Variants in GALNT13 observed in about 807,000 individuals in gnomAD.
GALNT13 encodes the protein polypeptide N-acetylgalactosaminyltransferase 13.
In GALNT13, 28 loss-of-function variants were observed where a neutral mutation model predicts 64.2. That is an observed-to-expected ratio of 0.44 (90% CI 0.32 to 0.60). The LOEUF (loss-of-function observed/expected upper bound fraction) is 0.60. GALNT13 is among the 20% of genes least tolerant of loss of function. The pLI, the probability that GALNT13 is intolerant of heterozygous loss-of-function variation, is 0.05. For synonymous variants in GALNT13, 214 were observed against 224.6 expected, an observed-to-expected ratio of 0.95 and a Z score of 0.42; for missense variants, 577 against 669.8, an observed-to-expected ratio of 0.86 and a Z score of 1.53.
chr2:153,536,352 A>G, the GALNT13 span, among the ~76,000 whole-genome samples: 1 of 152,150 alleles, frequency 6.6e-6, no homozygotes, highest in East Asian at 1.9e-4. Context: ...TACTGCTTCA[A>G]TGTGTTGTAA....
At chr2:153,728,605 A>T in the GALNT13 span, among the ~76,000 whole-genome samples, 1 of 152,152 alleles carries the variant, frequency 6.6e-6, no homozygotes, top group Non-Finnish European at 1.5e-5. Flanking sequence ...AAGAGAAAAC[A>T]AATCCAAAAG....
chr2:153,262,289 G>T, the GALNT13 span, among the ~76,000 whole-genome samples: 1 of 152,126 alleles, frequency 6.6e-6, no homozygotes, highest in Non-Finnish European at 1.5e-5. Flanking sequence ...GGCAGTTGAT[G>T]AATTCTTCCA....
the GALNT13 span, among the ~76,000 whole-genome samples, chr2:153,376,610 G>C: frequency 6.6e-6 from 1 of 152,054 alleles, no homozygotes; most frequent in East Asian, 1.9e-4. Context: ...GTGACTGACT[G>C]CCAGAAAAAA....
the GALNT13 span, among the ~76,000 whole-genome samples, chr2:153,620,445 T>A: frequency 6.6e-6 from 1 of 151,830 alleles, no homozygotes; most frequent in Non-Finnish European, 1.5e-5. Context: ...CTTAATTGCT[T>A]TTTGTTCTTT....
chr2:153,664,210 T>C, the GALNT13 span, among the ~76,000 whole-genome samples: 2 of 152,178 alleles, frequency 1.3e-5, no homozygotes, highest in Non-Finnish European at 2.9e-5. Flanking sequence ...ATCCCTTATC[T>C]TCAACCACGT....
intron 3 of GALNT13, among the ~76,000 whole-genome samples, chr2:153,990,777 C>CT (rs1390212478): frequency 6.6e-6 from 1 of 152,112 alleles, no homozygotes; most frequent in African/African-American, 2.4e-5. Flanking sequence ...CAAAGCAAAA[C>CT]TAAAAACTTT....
the GALNT13 span, chr2:153,423,564 A>G: frequency 1.3e-5 from 2 of 151,906 alleles, no homozygotes; most frequent in Non-Finnish European, 3.0e-5. Flanking sequence ...ATCATTTGCA[A>G]AGATTATGAT....
At chr2:154,380,629 A>G (rs1185710647) in intron 9 of GALNT13, among the ~76,000 whole-genome samples, 1 of 152,044 alleles carries the variant, frequency 6.6e-6, no homozygotes, top group Non-Finnish European at 1.5e-5. Flanking sequence ...AAATCTGAAG[A>G]CACAAAGGGG....
chr2:153,508,344 G>A, the GALNT13 span, among the ~76,000 whole-genome samples: 18 of 152,152 alleles, frequency 1.2e-4, no homozygotes, highest in Admixed American at 9.2e-4. Context: ...AGCAGGGATA[G>A]ACATGTCTGA....
At chr2:153,393,940 C>G in the GALNT13 span, among the ~76,000 whole-genome samples, 1 of 143,302 alleles carries the variant, frequency 7.0e-6, no homozygotes. Flanking sequence ...TTCTCTGTCT[C>G]TCTGTCTACA....
chr2:153,454,557 G>C, the GALNT13 span, among the ~76,000 whole-genome samples: 1 of 152,162 alleles, frequency 6.6e-6, no homozygotes, highest in Non-Finnish European at 1.5e-5. Context: ...TTCTACACCA[G>C]CATTCCTTAG....
At chr2:153,226,229 G>C in the GALNT13 span, among the ~76,000 whole-genome samples, 1 of 152,038 alleles carries the variant, frequency 6.6e-6, no homozygotes, top group South Asian at 2.1e-4. Flanking sequence ...ACCACGCCTG[G>C]CTCCAGCAAG....
rs548020900 is a variant in GALNT13, at chr2:154,360,707, C to T, written c.1157-35284C>T. The stretch of plus-strand genomic sequence containing the variant: ...CTATTCAGTATATCTTTATTGAGCA[C>T]GTATGTTGTACCAAGTAACATACTG... On this transcript the variant is annotated intron_variant, in intron 9 of 12. Coordinates refer to ENST00000392825, the MANE Select transcript of GALNT13 (RefSeq NM_052917.4). 6.6e-5 allele frequency among the ~76,000 whole-genome samples: 10 copies of T among 152,030 alleles called. No individual in the cohort carries two copies. In the South Asian group the frequency reaches 1.0e-3, roughly 16 times the overall value.
intron 4 of GALNT13, among the ~76,000 whole-genome samples, chr2:154,154,950 G>GTA (rs1158363745): frequency 2.6e-5 from 4 of 151,598 alleles, no homozygotes; most frequent in Non-Finnish European, 4.4e-5. Context: ...GTGTGTGTGT[G>GTA]TGTGTGTGTG....
chr2:153,257,324 G>A, the GALNT13 span, among the ~76,000 whole-genome samples: 293 of 152,066 alleles, frequency 1.9e-3, 4 homozygotes, highest in Admixed American at 0.011. Context: ...TGCACGGTGC[G>A]CGCACCCACT....
the GALNT13 span, among the ~76,000 whole-genome samples, chr2:153,391,254 C>G: frequency 6.6e-6 from 1 of 151,960 alleles, no homozygotes; most frequent in Non-Finnish European, 1.5e-5. Flanking sequence ...TGACTGCTCT[C>G]TTGAGAATTG....
At chr2:153,836,246 T>C in the GALNT13 span, among the ~76,000 whole-genome samples, 2 of 151,944 alleles carry the variant, frequency 1.3e-5, no homozygotes, top group South Asian at 2.1e-4. Flanking sequence ...CAACCTGATA[T>C]TTTGATATAC....
intron 1 of GALNT13, among the ~76,000 whole-genome samples, chr2:153,883,704 A>G (rs561684810): frequency 1.8e-4 from 28 of 152,094 alleles, no homozygotes; most frequent in Admixed American, 5.3e-4. Context: ...AGGGGACATT[A>G]TAGAATATTT....
At chr2:153,180,168 C>T in the GALNT13 span, among the ~76,000 whole-genome samples, 1 of 151,836 alleles carries the variant, frequency 6.6e-6, no homozygotes, top group African/African-American at 2.4e-5. Flanking sequence ...TGGACTTATT[C>T]TATATGGTCC....
Sources: gnomAD v4.1 joint callset for allele counts (sites outside exome capture counted in the v4.1 genomes callset) on GRCh38, gnomAD v4.1.1 for gene constraint, MANE v1.5 for transcripts, NCBI Gene and HGNC (gene_info 2026-07-23, HGNC 2026-07-21) for gene names.